PLAC1: variants seen among roughly 807,000 people sequenced by gnomAD.
PLAC1 encodes the protein placenta associated 1, also known as placenta-specific protein 1.
For synonymous variants in PLAC1, 68 were observed against 62.1 expected, an observed-to-expected ratio of 1.09 and a Z score of -0.44; for missense variants, 136 against 163.2, an observed-to-expected ratio of 0.83 and a Z score of 0.91.
intron 2 of PLAC1, among the ~76,000 whole-genome samples, chrX:134,722,048 C>T (rs1432685912): frequency 1.8e-5 from 2 of 110,177 alleles, no homozygotes; most frequent in Non-Finnish European, 3.8e-5. Flanking sequence ...GTAAGAGAAA[C>T]GAAAACATGT....
At chrX:134,627,575 A>T (rs1023954478) in intron 1 of PLAC1, among the ~76,000 whole-genome samples, 4 of 112,562 alleles carry the variant, frequency 3.6e-5, no homozygotes, top group African/African-American at 1.3e-4. Context: ...AGGCAGATTT[A>T]TATGTCTTAT....
chrX:134,577,754 T>C (rs1180071666), intron 2 of PLAC1, among the ~76,000 whole-genome samples: 1 of 93,733 alleles, frequency 1.1e-5, no homozygotes, highest in Non-Finnish European at 2.0e-5. Flanking sequence ...TGCATGCGTG[T>C]GTGTGTGTGT....
intron 1 of PLAC1, among the ~76,000 whole-genome samples, chrX:134,654,408 A>G (rs961944271): frequency 8.9e-6 from 1 of 112,227 alleles, no homozygotes; most frequent in Admixed American, 9.4e-5. Context: ...TTCTACCCAG[A>G]TGTTCCACCA....
chrX:134,598,223 A>G (rs4562499), intron 2 of PLAC1, among the ~76,000 whole-genome samples: 20,778 of 111,277 alleles, frequency 0.19, 1,566 homozygotes, highest in Non-Finnish European at 0.21. Flanking sequence ...TCTTTGTTGA[A>G]TGAGTGGATC....
In PLAC1 at chrX:134,602,112, G is replaced by A. The variant is rs150671118; in HGVS notation, c.-120C>T. The stretch of plus-strand genomic sequence containing the variant: ...TTTGAAATGTGGCTTTGTGCTCACT[G>A]GTGAAGGCAGCTGGAACAGAAAAAG... On this transcript the variant is annotated 5_prime_UTR_variant, in exon 2 of 3. Transcript: ENST00000359237. 8.9e-6 allele frequency: 1 copy of A among 112,684 alleles called. No homozygotes were observed. Among genetic ancestry groups the A allele is most frequent in the East Asian group, 2.8e-4 (1 of 3,595 alleles). 9.3% of individuals were successfully genotyped at this position (112,684 alleles called of 1,213,427 possible). A position where few individuals can be genotyped will look rare whatever the true frequency, so the allele number is the denominator to read the frequency against.
intron 2 of PLAC1, among the ~76,000 whole-genome samples, chrX:134,580,365 C>A (rs1234492569): frequency 1.8e-5 from 2 of 112,127 alleles, no homozygotes; most frequent in Non-Finnish European, 3.8e-5. Flanking sequence ...CAGTATCTCA[C>A]TTAACCCTCA....
chrX:134,725,091 G>T (rs1191691706), intron 2 of PLAC1, among the ~76,000 whole-genome samples: 1 of 111,734 alleles, frequency 8.9e-6, no homozygotes, highest in Non-Finnish European at 1.9e-5. Context: ...TTCCTCAGCT[G>T]AAAAATAGGA....
chrX:134,728,374 G>A (rs2078679950), intron 2 of PLAC1, among the ~76,000 whole-genome samples: 1 of 111,873 alleles, frequency 8.9e-6, no homozygotes, highest in African/African-American at 3.2e-5. Flanking sequence ...AAGGCAAAGA[G>A]AATCTCATAA....
At chrX:134,631,625 A>T (rs1269023065) in intron 1 of PLAC1, among the ~76,000 whole-genome samples, 2 of 111,653 alleles carry the variant, frequency 1.8e-5, no homozygotes, top group Non-Finnish European at 3.8e-5. Context: ...TTGAGCAACG[A>T]GCTCCAATCT....
At chrX:134,681,231 G>C (rs1183906871) in intron 2 of PLAC1, among the ~76,000 whole-genome samples, 1 of 111,551 alleles carries the variant, frequency 9.0e-6, no homozygotes, top group Non-Finnish European at 1.9e-5. Flanking sequence ...ATAAACTACA[G>C]TCCCCAAGCT....
chrX:134,748,903 C>A (rs2078735047), intron 1 of PLAC1, among the ~76,000 whole-genome samples: 2 of 112,214 alleles, frequency 1.8e-5, no homozygotes, highest in South Asian at 7.5e-4. Context: ...ACATATTGAA[C>A]AAGACACATT....
chrX:134,684,186 A>G (rs1348486242), intron 2 of PLAC1, among the ~76,000 whole-genome samples: 1 of 111,033 alleles, frequency 9.0e-6, no homozygotes, highest in Non-Finnish European at 1.9e-5. Flanking sequence ...ATTCCAAAGG[A>G]AGGGAGCCCA....
At chrX:134,738,585 A>C (rs1316964493) in intron 1 of PLAC1, among the ~76,000 whole-genome samples, 1 of 112,017 alleles carries the variant, frequency 8.9e-6, no homozygotes, top group Non-Finnish European at 1.9e-5. Context: ...CCTCTCTGGG[A>C]AGTACAAACT....
In PLAC1 at chrX:134,577,261, G is replaced by A. The variant is rs144049524; in HGVS notation, c.-58-10521C>T. On this transcript the variant is annotated intron_variant, in intron 2 of 2. Coordinates refer to ENST00000359237, the MANE Select transcript of PLAC1 (RefSeq NM_021796.4). Reference sequence around the variant, plus strand: ...GGAGACGTTCCCAACTATAAAAGTTGTCCAAAAATGGATGGAGAAACCTAG... The same window carrying A: ...GGAGACGTTCCCAACTATAAAAGTTATCCAAAAATGGATGGAGAAACCTAG... 3.8e-3 allele frequency among the ~76,000 whole-genome samples: 431 copies of A among 112,077 alleles called. 3 individuals are homozygous for A. Among genetic ancestry groups the A allele is most frequent in the Non-Finnish European group, 6.7e-3 (355 of 53,172 alleles).
chrX:134,728,094 C>T (rs2078679328), intron 2 of PLAC1, among the ~76,000 whole-genome samples: 1 of 111,422 alleles, frequency 9.0e-6, no homozygotes, highest in Non-Finnish European at 1.9e-5. Flanking sequence ...GCGTGAGAAA[C>T]AGAAAGAAAA....
intron 2 of PLAC1, among the ~76,000 whole-genome samples, chrX:134,600,509 A>C (rs12013788): frequency 0.23 from 25,200 of 110,046 alleles, 2,488 homozygotes; most frequent in African/African-American, 0.35. Flanking sequence ...GGCTTTATTT[A>C]ATTTTTCTAA....
chrX:134,706,642 C>T (rs1197235503), intron 2 of PLAC1, among the ~76,000 whole-genome samples: 5 of 111,987 alleles, frequency 4.5e-5, no homozygotes, highest in Non-Finnish European at 7.5e-5. Context: ...GATTTTAAAG[C>T]AGCCATCATA....
intron 1 of PLAC1, among the ~76,000 whole-genome samples, chrX:134,612,810 G>A (rs1362195020): frequency 3.6e-5 from 4 of 111,126 alleles, no homozygotes; most frequent in East Asian, 5.6e-4. Context: ...CCCCTGAGCC[G>A]GAGTAGCTGA....
At chrX:134,629,866 C>A (rs1178047375) in intron 1 of PLAC1, among the ~76,000 whole-genome samples, 3 of 111,526 alleles carry the variant, frequency 2.7e-5, no homozygotes, top group African/African-American at 9.8e-5. Flanking sequence ...TAGCTCTTTG[C>A]AGCCTCTAGA....
Sources: gnomAD v4.1 joint callset for allele counts (sites outside exome capture counted in the v4.1 genomes callset) on GRCh38, gnomAD v4.1.1 for gene constraint, MANE v1.5 for transcripts, NCBI Gene and HGNC (gene_info 2026-07-23, HGNC 2026-07-21) for gene names.